Variants in GABRA3 observed in about 807,000 individuals in gnomAD.
The protein encoded by GABRA3 is gamma-aminobutyric acid type A receptor subunit alpha3.
Under a neutral mutation model 30.1 loss-of-function variants are expected in GABRA3, and 10 were observed. The ratio of observed to expected loss-of-function variants is 0.33; its 90% CI spans 0.20 to 0.56. The LOEUF (loss-of-function observed/expected upper bound fraction) is 0.56, where lower values mean the gene tolerates loss of function less well. Ranked by LOEUF, GABRA3 falls within the 20% of genes least tolerant of loss-of-function variation. The pLI is 0.89. For synonymous variants in GABRA3, 151 were observed against 146.8 expected (o/e 1.03, Z -0.21); for missense variants, 233 against 392.0 (o/e 0.59, Z 3.42).
intron 6 of GABRA3, among the ~76,000 whole-genome samples, chrX:152,218,467 T>C (rs1285811049): frequency 1.8e-5 from 2 of 111,204 alleles, no homozygotes; most frequent in African/African-American, 6.5e-5. Context: ...TAGATGTTGG[T>C]TATGTCTAAT....
intron 7 of GABRA3, among the ~76,000 whole-genome samples, chrX:152,207,544 A>G (rs1161774847): frequency 8.9e-6 from 1 of 112,034 alleles, no homozygotes; most frequent in African/African-American, 3.3e-5. Flanking sequence ...AAATAATTCC[A>G]TGGCTACTCC....
At chrX:152,418,855 G>A (rs767091187) in intron 1 of GABRA3, among the ~76,000 whole-genome samples, 12 of 111,022 alleles carry the variant, frequency 1.1e-4, no homozygotes, top group East Asian at 2.9e-4. Flanking sequence ...TGTTTATTGC[G>A]GCACTATTCA....
At chrX:152,428,591 T>C (rs143477788) in intron 1 of GABRA3, among the ~76,000 whole-genome samples, 162 of 111,655 alleles carry the variant, frequency 1.5e-3, no homozygotes, top group Middle Eastern at 4.6e-3. Context: ...ACCAGGAGCA[T>C]TGTTGTAGCA....
chrX:152,440,489 T>C (rs1201639581), intron 1 of GABRA3, among the ~76,000 whole-genome samples: 1 of 112,129 alleles, frequency 8.9e-6, no homozygotes, highest in African/African-American at 3.2e-5. Context: ...GAACTAGAAA[T>C]ACCATTTGAC....
intron 1 of GABRA3, among the ~76,000 whole-genome samples, chrX:152,432,268 C>T (rs965835885): frequency 2.7e-5 from 3 of 111,370 alleles, no homozygotes; most frequent in Non-Finnish European, 5.7e-5. Context: ...TTTAGAAATA[C>T]GGTATAAATA....
intron 3 of GABRA3, among the ~76,000 whole-genome samples, chrX:152,291,397 T>G (rs1186570750): frequency 8.9e-6 from 1 of 112,106 alleles, no homozygotes; most frequent in Non-Finnish European, 1.9e-5. Flanking sequence ...CTTATCATCT[T>G]AAGGAGATTT....
intron 9 of GABRA3, among the ~76,000 whole-genome samples, chrX:152,176,562 A>G (rs1937078033): frequency 9.0e-6 from 1 of 111,428 alleles, no homozygotes; most frequent in Non-Finnish European, 1.9e-5. Flanking sequence ...TTAAGAATGG[A>G]TTCCAGGTTT....
intron 1 of GABRA3, among the ~76,000 whole-genome samples, chrX:152,434,793 T>C (rs992323633): frequency 4.5e-5 from 5 of 111,824 alleles, no homozygotes; most frequent in Non-Finnish European, 7.5e-5. Flanking sequence ...ATCATTTCAA[T>C]AGATACATAA....
At chrX:152,296,424 G>C (rs938561608) in intron 3 of GABRA3, among the ~76,000 whole-genome samples, 1 of 111,829 alleles carries the variant, frequency 8.9e-6, no homozygotes, top group African/African-American at 3.3e-5. Context: ...TCCCCTTGCA[G>C]TAGCATTAAT....
intron 1 of GABRA3, among the ~76,000 whole-genome samples, chrX:152,366,517 A>G (rs1389979640): frequency 8.9e-6 from 1 of 112,149 alleles, no homozygotes; most frequent in African/African-American, 3.2e-5. Flanking sequence ...GCAGCAAACT[A>G]TCATATTAAG....
rs373955965 is a variant in GABRA3 at position 152,181,728 on chromosome X, G to A, written c.1143+8002C>T. 9.1e-5 allele frequency among the ~76,000 whole-genome samples: 10 copies of A among 109,590 alleles called. No homozygotes were observed. The South Asian group carries it at 3.6e-3, about 39-fold the overall frequency. On this transcript the variant is annotated intron_variant, in intron 9 of 9. Transcript: ENST00000370314. The stretch of plus-strand genomic sequence containing the variant: ...GGAGATATACCTAATGCTAAATGAC[G>A]AGTTAATGGGTGCAGCACACCAGCA...
intron 2 of GABRA3, among the ~76,000 whole-genome samples, chrX:152,362,275 C>T (rs1928530542): frequency 9.2e-6 from 1 of 108,894 alleles, no homozygotes; most frequent in Non-Finnish European, 1.9e-5. Flanking sequence ...AAAAAAAAGT[C>T]ACTACCAAGG....
chrX:152,350,162 C>G (rs9698803), intron 2 of GABRA3, among the ~76,000 whole-genome samples: 12,596 of 105,021 alleles, frequency 0.12, 834 homozygotes, highest in African/African-American at 0.18. Flanking sequence ...TCACTCAAAA[C>G]CGCTCAATTA....
chrX:152,175,527 A>T (rs1242605014), intron 9 of GABRA3, among the ~76,000 whole-genome samples: 1 of 111,926 alleles, frequency 8.9e-6, no homozygotes, highest in Non-Finnish European at 1.9e-5. Flanking sequence ...ATAAACATAG[A>T]AGCAAAAAAA....
chrX:152,325,614 A>G (rs1448059746), intron 3 of GABRA3, among the ~76,000 whole-genome samples: 8 of 112,192 alleles, frequency 7.1e-5, no homozygotes, highest in African/African-American at 2.6e-4. Flanking sequence ...GCAAACTCCA[A>G]CAGACCTGCA....
intron 2 of GABRA3, among the ~76,000 whole-genome samples, chrX:152,351,454 T>C (rs1299739501): frequency 2.7e-5 from 3 of 111,952 alleles, no homozygotes; most frequent in African/African-American, 9.7e-5. Flanking sequence ...CAACCTCCAC[T>C]AGCTTCAAAC....
intron 1 of GABRA3, chrX:152,392,399 C>G (rs1929513392): frequency 3.2e-6 from 1 of 314,459 alleles, no homozygotes; most frequent in Non-Finnish European, 6.5e-6. Flanking sequence ...TCATGGTGCA[C>G]AAAATTATAT....
intron 4 of GABRA3, among the ~76,000 whole-genome samples, chrX:152,281,777 C>T (rs896030254): frequency 8.9e-6 from 1 of 111,965 alleles, no homozygotes; most frequent in Non-Finnish European, 1.9e-5. Context: ...TGTTTAATTT[C>T]ATCTCAACAA....
chrX:152,215,050 ATATATTTT>A (rs1569358111), intron 6 of GABRA3, among the ~76,000 whole-genome samples: 1 of 104,916 alleles, frequency 9.5e-6, no homozygotes, highest in Non-Finnish European at 1.9e-5. Flanking sequence ...ATATATATAT[ATATATTTT>A]TTTATATGAT....
Sources: gnomAD v4.1 joint callset for allele counts (sites outside exome capture counted in the v4.1 genomes callset) on GRCh38, gnomAD v4.1.1 for gene constraint, MANE v1.5 for transcripts, NCBI Gene and HGNC (gene_info 2026-07-23, HGNC 2026-07-21) for gene names.